The following NECAB2 variants were observed in gnomAD, a reference collection of about 807,000 sequenced individuals.
The protein encoded by NECAB2 is N-terminal EF-hand calcium binding protein 2.
NECAB2 carries 68 observed loss-of-function variants against 51.9 expected under a neutral mutation model. The observed-to-expected ratio is 1.31, with a 90% confidence interval of 1.08 to 1.60. The LOEUF is 1.60. NECAB2 is among the 40% of genes most tolerant of loss of function. The pLI, the probability that NECAB2 is intolerant of heterozygous loss-of-function variation, is 0.00. For missense variants in NECAB2, 854 were observed against 490.3 expected, an observed-to-expected ratio of 1.74 and a Z score of -7.00; for synonymous variants, 329 against 203.5, an observed-to-expected ratio of 1.62 and a Z score of -5.25.
At chr16:83,969,953 A>AG (rs1174498393) in intron 1 of NECAB2, among the ~76,000 whole-genome samples, 3 of 152,154 alleles carry the variant, frequency 2.0e-5, no homozygotes, top group African/African-American at 7.2e-5. Flanking sequence ...CGGCCAGAGC[A>AG]GGGGGAGCTC....
chr16:83,991,028 C>A (rs1009676980), intron 6 of NECAB2, among the ~76,000 whole-genome samples: 1 of 152,128 alleles, frequency 6.6e-6, no homozygotes, highest in Non-Finnish European at 1.5e-5. Flanking sequence ...CTCTGTCGCC[C>A]AGGAGTGCAG....
chr16:83,983,008 A>G (rs1186023072), intron 5 of NECAB2, among the ~76,000 whole-genome samples: 4 of 151,894 alleles, frequency 2.6e-5, no homozygotes, highest in South Asian at 2.1e-4. Flanking sequence ...AGCTGGGACT[A>G]CAGGCGCCCA....
chr16:83,999,946 G>C (rs996567239), intron 10 of NECAB2, among the ~76,000 whole-genome samples: 1 of 152,214 alleles, frequency 6.6e-6, no homozygotes, highest in Non-Finnish European at 1.5e-5. Context: ...GTGTGTAGTA[G>C]TGGAAGCTCA....
At chr16:83,988,870 C>T (rs552658353) in intron 5 of NECAB2, among the ~76,000 whole-genome samples, 1 of 152,244 alleles carries the variant, frequency 6.6e-6, no homozygotes, top group African/African-American at 2.4e-5. Context: ...AACAAATAGG[C>T]ACGTGTACCC....
intron 5 of NECAB2, among the ~76,000 whole-genome samples, chr16:83,981,328 G>A (rs991817714): frequency 1.3e-5 from 2 of 152,268 alleles, no homozygotes; most frequent in Admixed American, 1.3e-4. Flanking sequence ...CTGGTTGGGA[G>A]CAGGAGGCAT....
At chr16:83,979,934 A>G (rs751656564) in intron 3 of NECAB2, among the ~76,000 whole-genome samples, 4 of 152,196 alleles carry the variant, frequency 2.6e-5, no homozygotes, top group Non-Finnish European at 5.9e-5. Flanking sequence ...AACATGAATT[A>G]AAGCAGAATG....
chr16:83,974,911 C>T (rs113294289), intron 2 of NECAB2, among the ~76,000 whole-genome samples: 1,606 of 65,026 alleles, frequency 0.025, 176 homozygotes, highest in African/African-American at 0.11. Context: ...TGCAGGGAGG[C>T]GTGGGTGCGG....
rs769553444 is a variant in NECAB2, at chr16:83,998,187, T to C, written c.850-18T>C. On this transcript the variant is annotated intron_variant, in intron 9 of 12. Transcript: ENST00000305202. ...GCCTGACGTGGAGCCCCACACTGAC[T>C]CCTGCTGTGCCCGGCAGCACCTGCA... 1.1e-5 allele frequency: 18 copies of C among 1,604,492 alleles called. No homozygotes were observed. Among genetic ancestry groups the C allele is most frequent in the Non-Finnish European group, 1.4e-5 (17 of 1,179,330 alleles).
In NECAB2 at chr16:83,978,413, C is replaced by A. The variant is rs1453097613; in HGVS notation, c.227-31C>A. On this transcript the variant is annotated intron_variant, in intron 2 of 12. Transcript: ENST00000305202. ...CCCACCAGCCTTATCTCTGCAGACA[C>A]CAGCTCCTTTCTCTGCTTCCTTCCT... 5.0e-6 allele frequency: 8 copies of A among 1,590,440 alleles called. No individual in the cohort carries two copies. In the South Asian group the frequency reaches 8.9e-5, roughly 18 times the overall value.
chr16:83,973,943 A>G (rs1050513211), intron 2 of NECAB2, among the ~76,000 whole-genome samples: 11 of 152,000 alleles, frequency 7.2e-5, no homozygotes, highest in Admixed American at 5.9e-4. Context: ...GAGCCACTGC[A>G]GTGTATACAC....
At chr16:83,967,686 G>C (rs532437209), upstream of NECAB2, among the ~76,000 whole-genome samples, 1 of 141,934 alleles carries the variant, frequency 7.0e-6, no homozygotes, top group South Asian at 2.3e-4. Flanking sequence ...ACAGATGGGC[G>C]GGCGGGCAGA....
At chr16:83,992,845 C>G (rs547940342) in intron 6 of NECAB2, among the ~76,000 whole-genome samples, 3 of 152,166 alleles carry the variant, frequency 2.0e-5, no homozygotes, top group Admixed American at 6.5e-5. Flanking sequence ...TAGCAGCCAT[C>G]GCTGTGAAAA....
chr16:83,999,521 C>T (rs1458901848), intron 10 of NECAB2, among the ~76,000 whole-genome samples: 4 of 152,096 alleles, frequency 2.6e-5, no homozygotes, highest in Non-Finnish European at 4.4e-5. Flanking sequence ...GGTGTGTCCA[C>T]CCCAAGATGG....
intron 5 of NECAB2, among the ~76,000 whole-genome samples, chr16:83,985,448 C>G (rs1363499858): frequency 1.3e-5 from 2 of 148,530 alleles, no homozygotes; most frequent in African/African-American, 4.9e-5. Flanking sequence ...GCCTGGCCAA[C>G]ATGGTGAAAC....
chr16:83,976,744 C>A, intron 2 of NECAB2, among the ~76,000 whole-genome samples: 1 of 152,236 alleles, frequency 6.6e-6, no homozygotes, highest in South Asian at 2.1e-4. Flanking sequence ...CGTGCCCACA[C>A]GTTCATATTC....
Position 84,002,358 on chromosome 16 carries a change from A to G in NECAB2, c.*12A>G. 6.2e-7 allele frequency: 1 copy of G among 1,613,710 alleles called. No homozygotes were observed. Among genetic ancestry groups the G allele is most frequent in the Non-Finnish European group, 8.5e-7 (1 of 1,179,768 alleles). ...TGGGACGGGACTGACAGCCTCCCAG[A>G]GGCCCGTGGAGGAGCCCACCAGCCC... On this transcript the variant is annotated 3_prime_UTR_variant, in exon 13 of 13. Transcript: ENST00000305202.
At chr16:83,973,525 AGGG>A (rs2084371212) in intron 2 of NECAB2, among the ~76,000 whole-genome samples, 1 of 152,304 alleles carries the variant, frequency 6.6e-6, no homozygotes, top group African/African-American at 2.4e-5. Context: ...AGAGGGACGT[AGGG>A]AGATGAAGTG....
intron 3 of NECAB2, among the ~76,000 whole-genome samples, chr16:83,979,338 G>A (rs1406189084): frequency 6.6e-6 from 1 of 152,188 alleles, no homozygotes; most frequent in Non-Finnish European, 1.5e-5. Flanking sequence ...GAGGTTCTCT[G>A]AGACTGACTA....
chr16:83,966,257 C>G (rs1427951423), upstream of NECAB2: 3 of 527,982 alleles, frequency 5.7e-6, no homozygotes, highest in Non-Finnish European at 9.9e-6. Flanking sequence ...GTGTGACCAG[C>G]TGAGCACCCA....
Sources: allele counts gnomAD v4.1 joint callset (sites outside exome capture counted in the v4.1 genomes callset), GRCh38; gene constraint gnomAD v4.1.1; transcripts MANE v1.5; gene names NCBI Gene and HGNC (gene_info 2026-07-23, HGNC 2026-07-21).